The following DIAPH2 variants were observed in gnomAD, a reference collection of about 807,000 sequenced individuals.
DIAPH2 encodes diaphanous related formin 2, also known as protein diaphanous homolog 2.
DIAPH2 carries 35 observed loss-of-function variants against 92.7 expected under a neutral mutation model. The ratio of observed to expected loss-of-function variants is 0.38; its 90% CI spans 0.29 to 0.50. The LOEUF (loss-of-function observed/expected upper bound fraction) is 0.50, where lower values mean the gene tolerates loss of function less well. Among genes scored for constraint, DIAPH2 ranks in the 20% least tolerant of loss-of-function variants. The pLI is 0.94. For synonymous variants in DIAPH2, 301 were observed against 280.4 expected, an observed-to-expected ratio of 1.07 and a Z score of -0.73; for missense variants, 701 against 819.5, an observed-to-expected ratio of 0.86 and a Z score of 1.77.
intron 17 of DIAPH2, among the ~76,000 whole-genome samples, chrX:97,001,035 C>A (rs1406425918): frequency 8.9e-6 from 1 of 112,283 alleles, no homozygotes; most frequent in Admixed American, 9.4e-5. Flanking sequence ...AGAGAGTTAA[C>A]TATGCCTGAG....
intron 19 of DIAPH2, among the ~76,000 whole-genome samples, chrX:97,085,904 G>A (rs913820759): frequency 2.7e-5 from 3 of 111,510 alleles, no homozygotes; most frequent in African/African-American, 9.8e-5. Context: ...CAGTTGATCA[G>A]AAGTAGGAGA....
chrX:96,883,483 C>T (rs2147749293), intron 5 of DIAPH2, among the ~76,000 whole-genome samples: 1 of 108,668 alleles, frequency 9.2e-6, no homozygotes, highest in African/African-American at 3.4e-5. Context: ...TGGGTTCAAG[C>T]GATTCTCCTG....
At chrX:96,947,922 C>T (rs1375678701) in intron 14 of DIAPH2, among the ~76,000 whole-genome samples, 1 of 112,097 alleles carries the variant, frequency 8.9e-6, no homozygotes, top group Non-Finnish European at 1.9e-5. Flanking sequence ...AGAGCCCTGT[C>T]TGAGGTAAGG....
chrX:97,008,191 T>C (rs2066198064), intron 17 of DIAPH2, among the ~76,000 whole-genome samples: 1 of 108,278 alleles, frequency 9.2e-6, no homozygotes, highest in Admixed American at 1.0e-4. Context: ...TTATCATTTC[T>C]GCTCTTAAGA....
intron 22 of DIAPH2, among the ~76,000 whole-genome samples, chrX:97,206,800 G>A (rs763489612): frequency 1.8e-5 from 2 of 111,354 alleles, no homozygotes; most frequent in East Asian, 2.8e-4. Context: ...CAAGGGGCAG[G>A]CAATGCTTTT....
chrX:97,384,391 A>T (rs1180297862), intron 25 of DIAPH2, among the ~76,000 whole-genome samples: 1 of 111,962 alleles, frequency 8.9e-6, no homozygotes, highest in Admixed American at 9.5e-5. Flanking sequence ...TTTTAACTTC[A>T]TTTTGTTGGC....
At chrX:97,114,162 TGAAATTCTTTA>T (rs1368915451) in intron 20 of DIAPH2, among the ~76,000 whole-genome samples, 1 of 112,026 alleles carries the variant, frequency 8.9e-6, no homozygotes, top group African/African-American at 3.2e-5. Context: ...GTCAAGTAGG[TGAAATTCTTTA>T]GAAATTCTTT....
chrX:97,397,451 G>A (rs2069715355), intron 25 of DIAPH2, among the ~76,000 whole-genome samples: 1 of 111,500 alleles, frequency 9.0e-6, no homozygotes, highest in South Asian at 3.8e-4. Context: ...GGAGAAAGTT[G>A]CGTAGGAATT....
At chrX:97,194,563 C>T (rs1408603758) in intron 22 of DIAPH2, among the ~76,000 whole-genome samples, 18 of 111,335 alleles carry the variant, frequency 1.6e-4, no homozygotes, top group Non-Finnish European at 3.4e-4. Context: ...GGATTACAGG[C>T]GTGAACCACT....
intron 26 of DIAPH2, among the ~76,000 whole-genome samples, chrX:97,535,090 C>T (rs771773857): frequency 3.6e-5 from 4 of 111,886 alleles, no homozygotes; most frequent in Non-Finnish European, 7.5e-5. Context: ...GTGATAGCTA[C>T]ATGTGATGCT....
At chrX:97,436,022 G>T (rs982467621) in intron 26 of DIAPH2, among the ~76,000 whole-genome samples, 2 of 110,632 alleles carry the variant, frequency 1.8e-5, no homozygotes, top group African/African-American at 6.6e-5. Context: ...AGCCAGGATG[G>T]TCTCAATCTC....
intron 24 of DIAPH2, among the ~76,000 whole-genome samples, chrX:97,383,361 G>C (rs761297627): frequency 9.1e-6 from 1 of 109,960 alleles, no homozygotes; most frequent in African/African-American, 3.3e-5. Context: ...AATATATCAG[G>C]ATCTATTCTA....
At chrX:97,179,877 A>G (rs975344640) in intron 22 of DIAPH2, among the ~76,000 whole-genome samples, 1 of 111,909 alleles carries the variant, frequency 8.9e-6, no homozygotes, top group Admixed American at 9.5e-5. Context: ...AGAAAATGAG[A>G]AAGATACAAA....
chrX:97,209,314 A>T (rs187937425), intron 22 of DIAPH2, among the ~76,000 whole-genome samples: 3 of 111,247 alleles, frequency 2.7e-5, no homozygotes, highest in East Asian at 5.6e-4. Context: ...CAGTAGTTTT[A>T]TGTATTTTAT....
At chrX:96,962,430 C>CACACACAT (rs2065865326) in intron 16 of DIAPH2, among the ~76,000 whole-genome samples, 1 of 43,725 alleles carries the variant, frequency 2.3e-5, no homozygotes, top group Non-Finnish European at 4.3e-5. Context: ...CATATATATA[C>CACACACAT]ATATATATAT....
intron 4 of DIAPH2, among the ~76,000 whole-genome samples, chrX:96,809,838 A>G (rs2064661617): frequency 8.9e-6 from 1 of 111,946 alleles, no homozygotes; most frequent in Admixed American, 9.5e-5. Context: ...CCCTGCAAAG[A>G]AGATGAACTC....
intron 25 of DIAPH2, among the ~76,000 whole-genome samples, chrX:97,393,069 A>G (rs1339677729): frequency 3.6e-5 from 4 of 110,896 alleles, no homozygotes; most frequent in Non-Finnish European, 7.5e-5. Flanking sequence ...ATGGGAATTC[A>G]TTTAGGGATT....
At chrX:97,348,017 A>G (rs1021662711) in intron 23 of DIAPH2, 99 bp from the exon 24 acceptor site, 9 of 805,727 alleles carry the variant, frequency 1.1e-5, no homozygotes, top group Non-Finnish European at 1.6e-5. Flanking sequence ...TGCATTACTA[A>G]TGTATTTATA....
At chrX:97,050,314 T>C in intron 17 of DIAPH2, among the ~76,000 whole-genome samples, 1 of 110,860 alleles carries the variant, frequency 9.0e-6, no homozygotes, top group East Asian at 2.8e-4. Context: ...GGTAGTTTTT[T>C]TAAATAAGTG....
Sources: gnomAD v4.1 joint callset for allele counts (sites outside exome capture counted in the v4.1 genomes callset) on GRCh38, gnomAD v4.1.1 for gene constraint, MANE v1.5 for transcripts, NCBI Gene and HGNC (gene_info 2026-07-23, HGNC 2026-07-21) for gene names.